CEP63: variants seen among roughly 807,000 people sequenced by gnomAD.
CEP63 encodes the protein centrosomal protein of 63 kDa.
In CEP63, 84 loss-of-function variants were observed where a neutral mutation model predicts 89.1. The ratio of observed to expected loss-of-function variants is 0.94; its 90% confidence interval spans 0.79 to 1.13. The LOEUF is 1.13. Ranked by LOEUF, CEP63 falls within the 50% of genes most tolerant of loss-of-function variation. The pLI is 0.00. For synonymous variants in CEP63, 267 were observed against 272.5 expected (o/e 0.98, Z 0.20); for missense variants, 838 against 813.3 (o/e 1.03, Z -0.37).
At chr3:134,747,297 C>T in the CEP63 span, among the ~76,000 whole-genome samples, 1 of 152,088 alleles carries the variant, frequency 6.6e-6, no homozygotes, top group Admixed American at 6.5e-5. Flanking sequence ...TGTTTTGGTA[C>T]CAGTACCATG....
the CEP63 span, among the ~76,000 whole-genome samples, chr3:134,723,470 A>G: frequency 6.6e-6 from 1 of 152,236 alleles, no homozygotes; most frequent in Non-Finnish European, 1.5e-5. Flanking sequence ...TAGCCTATGT[A>G]GTTCACCCAT....
chr3:134,777,855 T>C, the CEP63 span, among the ~76,000 whole-genome samples: 1 of 151,778 alleles, frequency 6.6e-6, no homozygotes, highest in Non-Finnish European at 1.5e-5. Context: ...GACCTTGTGA[T>C]CTGCCCACCT....
At chr3:134,556,067 C>A (rs1190118576) in intron 12 of CEP63, among the ~76,000 whole-genome samples, 1 of 147,844 alleles carries the variant, frequency 6.8e-6, no homozygotes. Flanking sequence ...AACTGGCTAG[C>A]CATATGTAGA....
At chr3:134,537,518 G>A (rs1234736127) in intron 6 of CEP63, among the ~76,000 whole-genome samples, 1 of 152,040 alleles carries the variant, frequency 6.6e-6, no homozygotes, top group Non-Finnish European at 1.5e-5. Flanking sequence ...TTGCCTCCTT[G>A]CTTGTTTCTG....
At chr3:134,522,042 G>A (rs1184804083) in intron 3 of CEP63, among the ~76,000 whole-genome samples, 1 of 151,988 alleles carries the variant, frequency 6.6e-6, no homozygotes. Flanking sequence ...TCTTTTCTTT[G>A]TATTTCTTCT....
downstream of CEP63, among the ~76,000 whole-genome samples, chr3:134,575,563 C>T (rs1209607094): frequency 7.5e-6 from 1 of 133,800 alleles, no homozygotes; most frequent in Non-Finnish European, 1.6e-5. Context: ...GGGTCTCACT[C>T]TGTGGCCCTC....
At chr3:134,491,490 T>C (rs1471606597) in intron 1 of CEP63, among the ~76,000 whole-genome samples, 1 of 152,244 alleles carries the variant, frequency 6.6e-6, no homozygotes, top group African/African-American at 2.4e-5. Context: ...CTGTTGTCAT[T>C]TGTCAGTTAA....
the CEP63 span, among the ~76,000 whole-genome samples, chr3:134,715,086 TC>T: frequency 6.6e-6 from 1 of 152,208 alleles, no homozygotes; most frequent in Admixed American, 6.5e-5. Context: ...TTGCTGGGCT[TC>T]CTTGTCTCTT....
At chr3:134,716,717 A>G in the CEP63 span, among the ~76,000 whole-genome samples, 2 of 152,160 alleles carry the variant, frequency 1.3e-5, no homozygotes, top group Non-Finnish European at 2.9e-5. Context: ...CTTCGGAGTC[A>G]TGCACAACAG....
rs147665490 is a variant in CEP63 at position 134,559,761 on chromosome 3, A to G, written c.1953+332A>G. ...GTCTCTGGATGCCAAGATAGTCCTG[A>G]GGCACAGGCAGTGAAGGAGGAAAAG... On this transcript the variant is annotated intron_variant, in intron 14 of 14. Coordinates refer to ENST00000675561, the MANE Select transcript of CEP63 (RefSeq NM_001353108.3). 5.0e-3 allele frequency among the ~76,000 whole-genome samples: 765 copies of G among 152,314 alleles called. 18 individuals carry two copies. The South Asian group carries it at 0.07, about 14-fold the overall frequency.
chr3:134,664,771 TG>T, the CEP63 span, among the ~76,000 whole-genome samples: 95,653 of 151,856 alleles, frequency 0.63, 30,807 homozygotes, highest in East Asian at 0.88. Flanking sequence ...TTCATTTTTT[TG>T]GGCCCTGGTT....
the CEP63 span, chr3:134,608,540 G>A: frequency 1.2e-6 from 2 of 1,603,244 alleles, no homozygotes; most frequent in Non-Finnish European, 1.7e-6. Flanking sequence ...CACAAGCCAT[G>A]CGTCTGGAAG....
intron 12 of CEP63, among the ~76,000 whole-genome samples, chr3:134,556,643 A>C (rs1398553534): frequency 6.6e-6 from 1 of 152,172 alleles, no homozygotes; most frequent in Non-Finnish European, 1.5e-5. Flanking sequence ...TTCATATTTA[A>C]GAATTGAGAA....
intron 11 of CEP63, among the ~76,000 whole-genome samples, 182 bp downstream of exon 11, chr3:134,550,442 A>G (rs1012361163): frequency 2.0e-5 from 3 of 152,172 alleles, no homozygotes; most frequent in African/African-American, 7.2e-5. Flanking sequence ...GTAGACACAG[A>G]CAAGTAAAGT....
chr3:134,510,599 G>A (rs909379373), intron 3 of CEP63: 6 of 647,500 alleles, frequency 9.3e-6, no homozygotes, highest in African/African-American at 1.8e-5. Context: ...TGTCTTCAAG[G>A]TGCAGGGGTG....
At chr3:134,501,162 A>G (rs1479474820) in intron 2 of CEP63, among the ~76,000 whole-genome samples, 1 of 151,962 alleles carries the variant, frequency 6.6e-6, no homozygotes, top group Non-Finnish European at 1.5e-5. Context: ...GTGTAGCTTT[A>G]TTTCTGGTTC....
At chr3:134,624,351 T>C in the CEP63 span, among the ~76,000 whole-genome samples, 1 of 152,236 alleles carries the variant, frequency 6.6e-6, no homozygotes, top group Non-Finnish European at 1.5e-5. Context: ...CATCTGGCTT[T>C]CTTGATCCAT....
At chr3:134,676,661 T>C in the CEP63 span, among the ~76,000 whole-genome samples, 2 of 152,138 alleles carry the variant, frequency 1.3e-5, no homozygotes, top group African/African-American at 4.8e-5. Context: ...CAGTGAGGAA[T>C]TGAGGACAGG....
chr3:134,591,229 T>G (rs958005266), downstream of CEP63, among the ~76,000 whole-genome samples: 2 of 152,232 alleles, frequency 1.3e-5, no homozygotes, highest in Non-Finnish European at 2.9e-5. Flanking sequence ...ACTTCCAGCA[T>G]TGCTAGTGTG....
Sources: allele counts gnomAD v4.1 joint callset (sites outside exome capture counted in the v4.1 genomes callset), GRCh38; gene constraint gnomAD v4.1.1; transcripts MANE v1.5; gene names NCBI Gene and HGNC (gene_info 2026-07-23, HGNC 2026-07-21).